The following USB1 variants were observed in gnomAD, a reference collection of about 807,000 sequenced individuals.
USB1 encodes the protein U6 snRNA biogenesis phosphodiesterase 1.
USB1 carries 21 observed loss-of-function variants against 29.9 expected under a neutral mutation model. That is an observed-to-expected ratio of 0.70 (90% CI 0.50 to 1.01). The LOEUF (loss-of-function observed/expected upper bound fraction) is 1.01. Among genes scored for constraint, USB1 ranks in the 50% least tolerant of loss-of-function variants. The pLI, the probability that USB1 is intolerant of heterozygous loss-of-function variation, is 0.00. For missense variants in USB1, 330 were observed against 347.1 expected (o/e 0.95, Z 0.39); for synonymous variants, 143 against 134.9 (o/e 1.06, Z -0.42).
chr16:58,001,685 C>T, intron 1 of USB1, 104 bp downstream of exon 1: 1 of 1,318,272 alleles, frequency 7.6e-7, no homozygotes, highest in Non-Finnish European at 1.1e-6. Context: ...TGCGGGGCGG[C>T]TCTGGGAAGG....
chr16:58,002,595 G>T lies in USB1; in HGVS notation c.215G>T (p.Arg72Leu), dbSNP rs372917091. Residue 72 changes from arginine (R) to leucine (L), a missense_variant, in exon 2 of 7, where the codon CGC becomes CTC. Arg to Leu is a moderately radical substitution (Grantham distance 102). Transcript: ENST00000219281. ...AGCACAAAACACGGGGGACGGGTGC[G>T]CACCTTCCCCCACGAGCGAGGCAAC... ...DDSTKHGGRV[R>L]TFPHERGNWA... The T allele has an allele frequency of 6.2e-7, 1 of 1,613,906 alleles. No individual in the cohort carries two copies. The highest frequency in any genetic ancestry group is 8.5e-7 in the Non-Finnish European group (1 of 1,180,038).
upstream of USB1, among the ~76,000 whole-genome samples, chr16:58,000,642 C>A (rs1963155593): frequency 6.9e-6 from 1 of 145,826 alleles, no homozygotes; most frequent in Admixed American, 6.8e-5. This position sits in a 1 kb window ranked among gnomAD's most constrained non-coding sequence, Gnocchi z 4.5. Flanking sequence ...GGAGGGCGGG[C>A]GGACGGACCG....
intron 5 of USB1, among the ~76,000 whole-genome samples, chr16:58,018,361 C>G (rs1329803615): frequency 6.6e-6 from 1 of 151,864 alleles, no homozygotes; most frequent in Non-Finnish European, 1.5e-5. Context: ...GTGGCTGGGA[C>G]TACATGTGTA....
At chr16:58,004,319 A>G (rs1004237485) in intron 2 of USB1, among the ~76,000 whole-genome samples, 7 of 152,212 alleles carry the variant, frequency 4.6e-5, no homozygotes, top group African/African-American at 1.7e-4. Flanking sequence ...GTTCACCAAT[A>G]CCATTGGTGA....
chr16:58,011,159 C>A, intron 3 of USB1: 1 of 1,463,800 alleles, frequency 6.8e-7, no homozygotes, highest in Non-Finnish European at 9.2e-7. Flanking sequence ...AGCACCCCTG[C>A]TGCTTAGGAA....
At chr16:58,005,289 TAAACTCCCCTGGGGA>T (rs1268422962) in intron 2 of USB1, among the ~76,000 whole-genome samples, 1 of 152,076 alleles carries the variant, frequency 6.6e-6, no homozygotes, top group African/African-American at 2.4e-5. Flanking sequence ...GAGTCTTCTC[TAAACTCCCCTGGGGA>T]AAGGGAGACT....
chr16:58,015,592 C>T (rs1305610137), intron 4 of USB1: 1 of 152,160 alleles, frequency 6.6e-6, no homozygotes, highest in Non-Finnish European at 1.5e-5. Flanking sequence ...CTGCTCTTTT[C>T]AATCTCATAT....
upstream of USB1, chr16:58,001,271 G>C (rs1369690388): frequency 2.0e-5 from 13 of 638,398 alleles, no homozygotes; most frequent in Non-Finnish European, 3.6e-5. Context: ...GAGGCTGCAG[G>C]TGACCAGATC....
chr16:58,020,218 C>T lies in USB1; in HGVS notation c.771C>T (p.Asn257=), dbSNP rs149041481. Residue 257 remains asparagine, a synonymous_variant, in exon 7 of 7, where the codon AAC becomes AAT. Coordinates refer to ENST00000219281, the MANE Select transcript of USB1 (RefSeq NM_024598.4). ...AGCAAGTCCGCTGCAAGTCTGGGAA[C>T]AAGTTCTTCTCGATGCCTTTGAAGT... ...HTEQVRCKSG[N]KFFSMPLK The T allele has an allele frequency of 2.5e-6, 4 of 1,614,186 alleles. No homozygotes were observed. In the South Asian group the frequency reaches 4.4e-5, roughly 18 times the overall value.
At chr16:58,008,609 G>A (rs1290134721) in intron 2 of USB1, among the ~76,000 whole-genome samples, 7 of 151,620 alleles carry the variant, frequency 4.6e-5, no homozygotes, top group Non-Finnish European at 1.0e-4. Context: ...ACGCACCACC[G>A]TGCCCAGTTA....
chr16:58,009,195 G>A (rs1385784000), intron 2 of USB1, among the ~76,000 whole-genome samples: 2 of 152,214 alleles, frequency 1.3e-5, no homozygotes, highest in African/African-American at 4.8e-5. Flanking sequence ...TGGGGGACAA[G>A]AATCCTTCTG....
upstream of USB1, among the ~76,000 whole-genome samples, chr16:58,000,734 G>C (rs1359676382): frequency 6.6e-6 from 1 of 151,044 alleles, no homozygotes; most frequent in African/African-American, 2.4e-5. This position sits in a 1 kb window ranked among gnomAD's most constrained non-coding sequence, Gnocchi z 4.5. Context: ...CATCCCGGGC[G>C]GCGGCGGCCA....
At position 58,013,441 on chromosome 16, in the gene USB1, G is replaced by C; in HGVS notation, c.450-832G>C. On this transcript the variant is annotated intron_variant, in intron 3 of 6. Transcript: ENST00000219281. The surrounding 1 kb of genome is among the most constrained non-coding windows in gnomAD (Gnocchi z 4.3). Reference sequence around the variant, plus strand: ...GCTGGTATATTATGTTCCCTCAGATGGGGGTGAGACCCTTGGCCTGGGGGC... The same window carrying C: ...GCTGGTATATTATGTTCCCTCAGATCGGGGTGAGACCCTTGGCCTGGGGGC... 1.0e-6 allele frequency: 1 copy of C among 985,494 alleles called. No individual in the cohort carries two copies. The highest frequency in any genetic ancestry group is 1.2e-6 in the Non-Finnish European group (1 of 829,992). The allele number at this position is 985,494 out of a possible 1,614,324, so 61.0% of individuals were successfully genotyped here.
chr16:58,006,711 C>G (rs1216965844), intron 2 of USB1, among the ~76,000 whole-genome samples: 1 of 152,166 alleles, frequency 6.6e-6, no homozygotes, highest in African/African-American at 2.4e-5. Context: ...ATCTGTATAC[C>G]TTTTATTTCC....
At chr16:58,009,858 C>T in intron 2 of USB1, 71 bp from the exon 3 acceptor site, 1 of 1,596,008 alleles carries the variant, frequency 6.3e-7, no homozygotes. Flanking sequence ...CCTCTGCCTT[C>T]TGGGCTTCTT....
chr16:58,013,558 A>G lies in USB1; in HGVS notation c.450-715A>G. 1.0e-6 allele frequency: 1 copy of G among 954,286 alleles called. No individual in the cohort carries two copies. The highest frequency in any genetic ancestry group is 1.2e-6 in the Non-Finnish European group (1 of 825,274). The allele number at this position is 954,286 out of a possible 1,614,324, so 59.1% of individuals were successfully genotyped here. Reference sequence around the variant, plus strand: ...GGACAGAACCAGTCCAAGTCAAAGCACTTACCTAGCTGAGCCTGACTCTTC... The same window carrying G: ...GGACAGAACCAGTCCAAGTCAAAGCGCTTACCTAGCTGAGCCTGACTCTTC... On this transcript the variant is annotated intron_variant, in intron 3 of 6. Transcript: ENST00000219281. This position sits in a 1 kb window ranked among gnomAD's most constrained non-coding sequence, Gnocchi z 4.3.
In USB1 at chr16:58,001,514, A is replaced by T. The variant is rs752060249; in HGVS notation, c.31A>T (p.Ser11Cys). ...CGCGGCGCCCCTGGTGGGCTACAGC[A>T]GCAGCGGCTCCGAGGATGAGTCCGA... The part of the protein sequence containing the change: MSAAPLVGYS[S>C]SGSEDESEDG... The change falls in exon 1 of 7, where the codon AGC becomes TGC. Residue 11 changes from serine to cysteine, a missense_variant. Physicochemically the swap from Ser to Cys is moderately radical, Grantham distance 112. Transcript: ENST00000219281. 3.1e-6 allele frequency: 5 copies of T among 1,607,796 alleles called. No homozygotes were observed. The highest frequency in any genetic ancestry group is 4.2e-6 in the Non-Finnish European group (5 of 1,177,694).
At chr16:58,019,216 C>CT (rs1490983368) in intron 6 of USB1, among the ~76,000 whole-genome samples, 161 bp downstream of exon 6, 17 of 152,276 alleles carry the variant, frequency 1.1e-4, no homozygotes, top group African/African-American at 3.9e-4. Context: ...GGTGTGGCCC[C>CT]TGGACCAGCA....
At chr16:58,008,539 C>T (rs370903888) in intron 2 of USB1, among the ~76,000 whole-genome samples, 37 of 151,010 alleles carry the variant, frequency 2.5e-4, no homozygotes, top group African/African-American at 8.3e-4. Context: ...CTGCAACTTC[C>T]GCCTCCCAGG....
Sources: allele counts gnomAD v4.1 joint callset (sites outside exome capture counted in the v4.1 genomes callset), GRCh38; gene constraint gnomAD v4.1.1; non-coding constraint Gnocchi (gnomAD v3.1); transcripts MANE v1.5; gene names NCBI Gene and HGNC (gene_info 2026-07-23, HGNC 2026-07-21).